ARHGAP27: variants seen among roughly 807,000 people sequenced by gnomAD.
ARHGAP27 encodes rho GTPase-activating protein 27.
A neutral mutation model predicts 102.0 loss-of-function variants in ARHGAP27; 53 were observed. That is an observed-to-expected ratio of 0.52 (90% CI 0.42 to 0.65). The LOEUF (loss-of-function observed/expected upper bound fraction) is 0.65. ARHGAP27 is among the 30% of genes least tolerant of loss of function. The pLI is 0.00. For missense variants in ARHGAP27, 1,117 were observed against 1,256.2 expected, an observed-to-expected ratio of 0.89 and a Z score of 1.68; for synonymous variants, 525 against 542.8, an observed-to-expected ratio of 0.97 and a Z score of 0.46.
chr17:45,404,167 G>T, intron 9 of ARHGAP27, 71 bp from the exon 10 acceptor site: 1 of 1,606,922 alleles, frequency 6.2e-7, no homozygotes, highest in Non-Finnish European at 8.5e-7. Context: ...GTAGAGGCTG[G>T]TCACCTGCTC....
chr17:45,424,047 C>T (rs1248384640), intron 4 of ARHGAP27, among the ~76,000 whole-genome samples: 1 of 152,234 alleles, frequency 6.6e-6, no homozygotes, highest in Non-Finnish European at 1.5e-5. Flanking sequence ...CCTCTGCTTC[C>T]TCTCTCTGGC....
intron 4 of ARHGAP27, chr17:45,425,554 G>A: frequency 3.0e-6 from 3 of 985,520 alleles, no homozygotes; most frequent in African/African-American, 1.7e-5. Flanking sequence ...CCCCAGGGGC[G>A]AGGACTCACT....
Position 45,427,974 on chromosome 17 carries a change from G to A in ARHGAP27, c.657+1649C>T, listed in dbSNP as rs2049775297. Among the ~76,000 whole-genome samples the A allele has an allele frequency of 6.6e-6, 1 of 152,224 alleles. No homozygotes were observed. Among genetic ancestry groups the A allele is most frequent in the African/African-American group, 2.4e-5 (1 of 41,456 alleles). ...AGTCTCCTTCCTCTTTGGTCCTGGG[G>A]CCTGGGGTGTTGGCCCTTGCAGACC... On this transcript the variant is annotated intron_variant, in intron 4 of 19. Coordinates refer to ENST00000685559, the MANE Select transcript of ARHGAP27 (RefSeq NM_001282290.2). This position sits in a 1 kb window ranked among gnomAD's most constrained non-coding sequence, Gnocchi z 4.5.
At position 45,405,943 on chromosome 17, in the gene ARHGAP27, G is replaced by A; in HGVS notation, c.798C>T (p.Tyr266=). Residue 266 remains tyrosine, a synonymous_variant, in exon 5 of 20, where the codon TAC becomes TAT. Transcript: ENST00000685559. The stretch of plus-strand genomic sequence containing the variant: ...AGGTGGTAACTCCCGTGTCTGGGTT[G>A]TAGTAGTAGGGGCGCCCGGTGCCCG... ...TDAGTGRPYY[Y]NPDTGVTTWE... is the part of the protein sequence containing the mutation. 1.3e-6 allele frequency: 2 copies of A among 1,535,960 alleles called. No individual in the cohort carries two copies. Among genetic ancestry groups the A allele is most frequent in the South Asian group, 1.2e-5 (1 of 84,056 alleles).
rs1422630291 is a variant in ARHGAP27, at chr17:45,402,250, GTCTC to G, written c.1743+460_1743+463del. Among the ~76,000 whole-genome samples, 5 of 152,250 alleles carry G rather than the reference GTCTC, an allele frequency of 3.3e-5. No individual in the cohort carries two copies. In the East Asian group the frequency reaches 9.6e-4, roughly 29 times the overall value. On this transcript the variant is annotated intron_variant, in intron 12 of 19. Transcript: ENST00000685559. ...AGCAGCCAGGGACAGGGAGCCTCCTGTCTCTCTCAGGCTGGGACGAGGGCTGCCA... is the reference window on the plus strand; with the variant it reads ...AGCAGCCAGGGACAGGGAGCCTCCTGTCTCAGGCTGGGACGAGGGCTGCCA...
At chr17:45,417,176 A>G (rs1359216543) in intron 4 of ARHGAP27, among the ~76,000 whole-genome samples, 1 of 148,832 alleles carries the variant, frequency 6.7e-6, no homozygotes, top group East Asian at 2.0e-4. Flanking sequence ...AACAAAAATT[A>G]TTTTTGGCTG....
Position 45,431,711 on chromosome 17 carries a change from G to C in ARHGAP27, c.-109C>G, listed in dbSNP as rs2145115788. On this transcript the variant is annotated 5_prime_UTR_variant, in exon 3 of 20. Coordinates refer to ENST00000685559, the MANE Select transcript of ARHGAP27 (RefSeq NM_001282290.2). ...AGGCCCCTACCATCGCCCTGGGCGG[G>C]GTTTCCAGGGGCGAGGCCGGAGAGG... 1 of 169,140 alleles carries C rather than the reference G, an allele frequency of 5.9e-6. No homozygotes were observed. Among genetic ancestry groups the C allele is most frequent in the Non-Finnish European group, 1.3e-5 (1 of 78,482 alleles). 10.5% of individuals were successfully genotyped at this position (169,140 alleles called of 1,614,324 possible). A position where few individuals can be genotyped will look rare whatever the true frequency, so the allele number is the denominator to read the frequency against.
At chr17:45,425,655 A>T in intron 4 of ARHGAP27, 1 of 985,354 alleles carries the variant, frequency 1.0e-6, no homozygotes, top group Non-Finnish European at 1.2e-6. Context: ...GGCTGCTTGT[A>T]TAAGAAGGTG....
chr17:45,426,191 A>T (rs979817680), intron 4 of ARHGAP27, among the ~76,000 whole-genome samples: 2 of 152,084 alleles, frequency 1.3e-5, no homozygotes. Context: ...GAACACAGCC[A>T]CTTCCTGGCC....
Position 45,395,383 on chromosome 17 carries a change from C to CCCGGCTG in ARHGAP27, c.*66_*72dup, listed in dbSNP as rs2045467647. 6.7e-7 allele frequency: 1 copy of CCCGGCTG among 1,483,992 alleles called. No individual in the cohort carries two copies. The highest frequency in any genetic ancestry group is 9.0e-7 in the Non-Finnish European group (1 of 1,107,840). 91.9% of individuals were successfully genotyped at this position (1,483,992 alleles called of 1,614,324 possible). ...GCGGAGGGTCCCAGAGAGAAGAAGG[C>CCCGGCTG]CCGGCTGCGTGGCCTCCGCCGCCCA... On this transcript the variant is annotated 3_prime_UTR_variant, in exon 20 of 20. Transcript: ENST00000685559.
chr17:45,412,002 T>C (rs1217230472), intron 4 of ARHGAP27, among the ~76,000 whole-genome samples: 3 of 152,000 alleles, frequency 2.0e-5, no homozygotes, highest in Non-Finnish European at 4.4e-5. Context: ...GCCCTGCAGG[T>C]AGCATGGGGG....
At chr17:45,412,047 G>T (rs1312167632) in intron 4 of ARHGAP27, among the ~76,000 whole-genome samples, 1 of 152,164 alleles carries the variant, frequency 6.6e-6, no homozygotes, top group Admixed American at 6.5e-5. Context: ...AGGAGTGTCA[G>T]TGTCAGGGCT....
chr17:45,415,935 G>T (rs1474651727), intron 4 of ARHGAP27, among the ~76,000 whole-genome samples: 1 of 152,184 alleles, frequency 6.6e-6, no homozygotes, highest in Non-Finnish European at 1.5e-5. Flanking sequence ...TCTGACGATG[G>T]CTTAGGTCAT....
At chr17:45,413,781 C>T (rs1287064996) in intron 4 of ARHGAP27, among the ~76,000 whole-genome samples, 1 of 152,090 alleles carries the variant, frequency 6.6e-6, no homozygotes, top group Admixed American at 6.6e-5. Flanking sequence ...AGACACCCAG[C>T]AGGGCTGCTG....
intron 4 of ARHGAP27, among the ~76,000 whole-genome samples, chr17:45,422,134 C>A (rs992427589): frequency 1.3e-5 from 2 of 152,014 alleles, no homozygotes; most frequent in African/African-American, 4.8e-5. Context: ...CCACTGCACA[C>A]CAGCCTGAGT....
chr17:45,395,122 G>T lies in ARHGAP27; in HGVS notation c.*334C>A. On this transcript the variant is annotated 3_prime_UTR_variant, in exon 20 of 20. Transcript: ENST00000685559. ...GCCCTCCATCAAACTCCTCCTCCCAGCACCTACCATTCCAGAAAACAAACT... is the reference window on the plus strand; with the variant it reads ...GCCCTCCATCAAACTCCTCCTCCCATCACCTACCATTCCAGAAAACAAACT... The T allele has an allele frequency of 2.6e-6, 1 of 384,996 alleles. No individual in the cohort carries two copies. Among genetic ancestry groups the T allele is most frequent in the Non-Finnish European group, 4.7e-6 (1 of 210,616 alleles). 23.8% of individuals were successfully genotyped at this position (384,996 alleles called of 1,614,324 possible).
At chr17:45,421,280 A>G (rs1475635935) in intron 4 of ARHGAP27, among the ~76,000 whole-genome samples, 1 of 148,010 alleles carries the variant, frequency 6.8e-6, no homozygotes, top group South Asian at 2.3e-4. Flanking sequence ...GAAATTTAAG[A>G]CCAGCCTGGG....
chr17:45,396,237 T>C lies in ARHGAP27; in HGVS notation c.2221A>G (p.Ile741Val), dbSNP rs146454541. ...LYRISGNLAT[I>V]QKLRYKVDHD... Reference sequence around the variant, plus strand: ...TCCACCTTATAGCGTAGCTTCTGGATGGTGGCCAGGTTTCCACTGATGCGG... The same window carrying C: ...TCCACCTTATAGCGTAGCTTCTGGACGGTGGCCAGGTTTCCACTGATGCGG... The change falls in exon 17 of 20, where the codon ATC becomes GTC. Residue 741 changes from isoleucine to valine, a missense_variant. By Grantham distance (29) the Ile-to-Val change is conservative. This residue lies in a region of ARHGAP27 where 493 missense variants were observed against 505.5 expected (regional missense o/e 0.98). Coordinates refer to ENST00000685559, the MANE Select transcript of ARHGAP27 (RefSeq NM_001282290.2). 6.2e-7 allele frequency: 1 copy of C among 1,613,512 alleles called. No individual in the cohort carries two copies. The highest frequency in any genetic ancestry group is 2.2e-5 in the East Asian group (1 of 44,888).
chr17:45,397,238 CAG>C (rs1302152765), intron 13 of ARHGAP27: 1 of 1,417,316 alleles, frequency 7.1e-7, no homozygotes, highest in African/African-American at 1.4e-5. Context: ...CCTTAAGGTG[CAG>C]AGACAGTCAT....
Sources: allele counts gnomAD v4.1 joint callset (sites outside exome capture counted in the v4.1 genomes callset), GRCh38; gene constraint gnomAD v4.1.1; regional missense constraint gnomAD v4.1.1; non-coding constraint Gnocchi (gnomAD v3.1); transcripts MANE v1.5; gene names NCBI Gene and HGNC (gene_info 2026-07-23, HGNC 2026-07-21).